The following TRPM3 variants were observed in gnomAD, a reference collection of about 807,000 sequenced individuals.
TRPM3 encodes long transient receptor potential channel 3.
A neutral mutation model predicts 181.2 loss-of-function variants in TRPM3; 77 were observed. The observed-to-expected ratio is 0.42, with a 90% confidence interval of 0.35 to 0.51. The LOEUF (loss-of-function observed/expected upper bound fraction) is 0.51, where lower values mean the gene tolerates loss of function less well. Among genes scored for constraint, TRPM3 ranks in the 20% least tolerant of loss-of-function variants. The pLI, the probability that TRPM3 is intolerant of heterozygous loss-of-function variation, is 0.01. For synonymous variants in TRPM3, 745 were observed against 796.4 expected (o/e 0.94, Z 1.09); for missense variants, 1,759 against 2,196.7 (o/e 0.80, Z 3.98).
At position 71,071,088 on chromosome 9, in the gene TRPM3, G is replaced by T. The variant is rs541207690; in HGVS notation, c.177+50090C>A. Among the ~76,000 whole-genome samples the T allele has an allele frequency of 3.3e-5, 5 of 152,264 alleles. No individual in the cohort carries two copies. In the South Asian group the frequency reaches 1.0e-3, roughly 32 times the overall value. On this transcript the variant is annotated intron_variant, in intron 1 of 25. Coordinates refer to ENST00000677713, the MANE Select transcript of TRPM3 (RefSeq NM_001366145.2). ...AGGCTTTAGTTTTTAGTCTTCAGGG[G>T]TGATGAGTCAAAGAGCACTGATTGT...
intron 8 of TRPM3, among the ~76,000 whole-genome samples, chr9:70,698,609 T>C (rs2071371814): frequency 2.0e-5 from 3 of 152,198 alleles, no homozygotes; most frequent in Admixed American, 2.0e-4. Context: ...AACATAGTGA[T>C]ATGGTTTGGA....
At chr9:70,747,345 T>C (rs927377980) in intron 8 of TRPM3, among the ~76,000 whole-genome samples, 6 of 152,100 alleles carry the variant, frequency 3.9e-5, no homozygotes, top group Non-Finnish European at 8.8e-5. Context: ...GGTTTGGTAA[T>C]TGAATATGAC....
At chr9:71,338,795 A>T (rs964724237) in intron 1 of TRPM3, among the ~76,000 whole-genome samples, 5 of 152,196 alleles carry the variant, frequency 3.3e-5, no homozygotes, top group Admixed American at 6.6e-5. Flanking sequence ...TAGAGTCAGC[A>T]TCTTACTTGA....
chr9:71,217,889 C>T (rs1455254768), intron 1 of TRPM3, among the ~76,000 whole-genome samples: 1 of 152,142 alleles, frequency 6.6e-6, no homozygotes, highest in Non-Finnish European at 1.5e-5. Flanking sequence ...GATCCTCTTC[C>T]AGGACTCAAC....
chr9:70,857,868 G>A (rs2095427161), intron 3 of TRPM3, among the ~76,000 whole-genome samples: 1 of 152,190 alleles, frequency 6.6e-6, no homozygotes, highest in Non-Finnish European at 1.5e-5. Flanking sequence ...ATAGGTATTA[G>A]TGTGCTTGTC....
chr9:70,826,233 C>A (rs1299222873), intron 6 of TRPM3: 1 of 152,206 alleles, frequency 6.6e-6, no homozygotes. Context: ...TTTGCCCATT[C>A]TATCAAGTAC....
intron 1 of TRPM3, among the ~76,000 whole-genome samples, chr9:71,345,836 G>A (rs1465628665): frequency 6.6e-6 from 1 of 152,058 alleles, no homozygotes; most frequent in Non-Finnish European, 1.5e-5. Context: ...TGGTTTTCAG[G>A]GAAATGCAAA....
intron 21 of TRPM3, among the ~76,000 whole-genome samples, chr9:70,596,927 G>A (rs1478081141): frequency 6.6e-6 from 1 of 151,894 alleles, no homozygotes; most frequent in Non-Finnish European, 1.5e-5. Context: ...CACACACCCT[G>A]TTAATTTTTC....
At chr9:71,186,136 C>T (rs941040046) in intron 1 of TRPM3, among the ~76,000 whole-genome samples, 5 of 151,992 alleles carry the variant, frequency 3.3e-5, no homozygotes, top group Non-Finnish European at 5.9e-5. Context: ...CTTCACAGGA[C>T]CATCTTTTTA....
intron 1 of TRPM3, among the ~76,000 whole-genome samples, chr9:70,942,783 G>C (rs962703303): frequency 2.6e-5 from 4 of 151,978 alleles, no homozygotes; most frequent in Non-Finnish European, 4.4e-5. Flanking sequence ...CTTTGACCAG[G>C]GTTTCTCAAA....
At chr9:70,869,520 G>A (rs976462722) in intron 1 of TRPM3, among the ~76,000 whole-genome samples, 34 of 152,082 alleles carry the variant, frequency 2.2e-4, no homozygotes, top group Non-Finnish European at 4.0e-4. Flanking sequence ...CCAAAGAATG[G>A]AATGGTAGCA....
intron 1 of TRPM3, among the ~76,000 whole-genome samples, chr9:71,433,146 T>A (rs1026498159): frequency 1.2e-4 from 19 of 152,228 alleles, no homozygotes; most frequent in African/African-American, 3.9e-4. Context: ...GGTACTTCTT[T>A]GCAGCCATGA....
At chr9:71,196,167 A>ATGTGTGTGTGTGTGTGTG (rs71507026) in intron 1 of TRPM3, among the ~76,000 whole-genome samples, 2 of 149,340 alleles carry the variant, frequency 1.3e-5, no homozygotes, top group African/African-American at 4.9e-5. Flanking sequence ...ACACACGTAT[A>ATGTGTGTGTGTGTGTGTG]TGTGTGTGTG....
At chr9:70,608,092 TG>T (rs1355375081) in intron 19 of TRPM3, among the ~76,000 whole-genome samples, 1 of 152,254 alleles carries the variant, frequency 6.6e-6, no homozygotes, top group East Asian at 1.9e-4. Flanking sequence ...AGGCAAACGC[TG>T]AGCTGTAACC....
chr9:70,819,063 G>A (rs1243556588), intron 6 of TRPM3, among the ~76,000 whole-genome samples: 3 of 152,200 alleles, frequency 2.0e-5, no homozygotes, highest in Admixed American at 2.0e-4. Flanking sequence ...AGTGAGGAGA[G>A]GGTTATGGGA....
At chr9:71,027,729 T>A (rs953000453) in intron 1 of TRPM3, among the ~76,000 whole-genome samples, 1 of 152,132 alleles carries the variant, frequency 6.6e-6, no homozygotes, top group Non-Finnish European at 1.5e-5. Flanking sequence ...CCTTGAAGAC[T>A]AGCTTTTGGA....
chr9:71,228,390 A>C (rs1230994117), intron 1 of TRPM3, among the ~76,000 whole-genome samples: 1 of 152,096 alleles, frequency 6.6e-6, no homozygotes, highest in African/African-American at 2.4e-5. Flanking sequence ...GGGGAAAAAC[A>C]AACTTTTCCT....
At chr9:71,153,596 T>C (rs764025516) in intron 1 of TRPM3, among the ~76,000 whole-genome samples, 8 of 152,096 alleles carry the variant, frequency 5.3e-5, no homozygotes, top group Non-Finnish European at 1.2e-4. Flanking sequence ...ATTTTGTTTT[T>C]CTAAATGTCT....
intron 1 of TRPM3, among the ~76,000 whole-genome samples, chr9:70,978,249 T>A (rs953165746): frequency 6.6e-6 from 1 of 152,242 alleles, no homozygotes; most frequent in Non-Finnish European, 1.5e-5. Flanking sequence ...GTAGCGCAGC[T>A]ATGACTAACC....
Sources: allele counts gnomAD v4.1 joint callset (sites outside exome capture counted in the v4.1 genomes callset), GRCh38; gene constraint gnomAD v4.1.1; transcripts MANE v1.5; gene names NCBI Gene and HGNC (gene_info 2026-07-23, HGNC 2026-07-21).